The following BAZ2B variants were observed in gnomAD, a reference collection of about 807,000 sequenced individuals.
BAZ2B encodes the protein bromodomain adjacent to zinc finger domain protein 2B.
In BAZ2B, 91 loss-of-function variants were observed where a neutral mutation model predicts 246.0. The observed-to-expected ratio is 0.37, with a 90% CI of 0.31 to 0.44. The LOEUF is 0.44. Among genes scored for constraint, BAZ2B ranks in the 20% least tolerant of loss-of-function variants. The pLI is 1.00. For missense variants in BAZ2B, 2,332 were observed against 2,533.7 expected, an observed-to-expected ratio of 0.92 and a Z score of 1.71; for synonymous variants, 855 against 860.0, an observed-to-expected ratio of 0.99 and a Z score of 0.10.
chr2:159,399,524 C>T (rs1427858338), intron 17 of BAZ2B, among the ~76,000 whole-genome samples: 1 of 151,788 alleles, frequency 6.6e-6, no homozygotes, highest in African/African-American at 2.4e-5. Flanking sequence ...TTTCATGAGG[C>T]ACAATCTATT....
At chr2:159,597,716 A>C (rs1218268503) in intron 1 of BAZ2B, among the ~76,000 whole-genome samples, 2 of 152,146 alleles carry the variant, frequency 1.3e-5, no homozygotes, top group East Asian at 3.9e-4. Flanking sequence ...TTGGCCTCCC[A>C]AAGTGATGGG....
intron 1 of BAZ2B, among the ~76,000 whole-genome samples, chr2:159,557,964 G>A (rs923934128): frequency 6.6e-6 from 1 of 151,478 alleles, no homozygotes; most frequent in Admixed American, 6.6e-5. Context: ...CGCGGGTAGT[G>A]AATTAAAGGT....
At chr2:159,493,284 C>T (rs1330852507) in intron 2 of BAZ2B, among the ~76,000 whole-genome samples, 1 of 152,162 alleles carries the variant, frequency 6.6e-6, no homozygotes, top group African/African-American at 2.4e-5. Flanking sequence ...TTAAAAGTCA[C>T]ACTAGCCATA....
chr2:159,331,279 G>A (rs991706060), intron 34 of BAZ2B, among the ~76,000 whole-genome samples: 2 of 152,216 alleles, frequency 1.3e-5, no homozygotes, highest in Non-Finnish European at 2.9e-5. Flanking sequence ...CATTTTCTCA[G>A]TTGAATGACA....
chr2:159,353,627 T>C (rs2058782484), intron 27 of BAZ2B, among the ~76,000 whole-genome samples: 2 of 152,114 alleles, frequency 1.3e-5, no homozygotes, highest in Admixed American at 1.3e-4. Flanking sequence ...GATCAGCACA[T>C]ATGTGTGAGG....
In BAZ2B at chr2:159,347,545, C is replaced by A; in HGVS notation, c.5395G>T (p.Val1799Phe). ...EEQAMEMDLSVLQQVEDLERR... is the reference protein window; with the variant it reads ...EEQAMEMDLSFLQQVEDLERR... ...TCTAGATCTTCTACCTGTTGAAGGACACTCAAATCCATTTCCATTGCTTGT... is the reference window on the plus strand; with the variant it reads ...TCTAGATCTTCTACCTGTTGAAGGAAACTCAAATCCATTTCCATTGCTTGT... The change falls in exon 31 of 37, where the codon GTC becomes TTC. Residue 1799 changes from valine to phenylalanine, a missense_variant. Transcript: ENST00000392783. 1 of 1,613,872 alleles carries A rather than the reference C, an allele frequency of 6.2e-7. No homozygotes were observed. The highest frequency in any genetic ancestry group is 8.5e-7 in the Non-Finnish European group (1 of 1,179,874).
chr2:159,532,083 C>T (rs1210838778), intron 2 of BAZ2B, among the ~76,000 whole-genome samples: 9 of 152,030 alleles, frequency 5.9e-5, no homozygotes, highest in African/African-American at 2.2e-4. Flanking sequence ...AACAATCTGC[C>T]ACAAAATTAT....
the BAZ2B span, among the ~76,000 whole-genome samples, chr2:159,681,696 C>T: frequency 2.0e-5 from 3 of 152,154 alleles, no homozygotes; most frequent in South Asian, 4.1e-4. Context: ...TTTGGGAGGC[C>T]GAGGTGGGCT....
chr2:159,382,549 A>G lies in BAZ2B; in HGVS notation c.4005+10T>C, dbSNP rs1559187775. 11 of 1,546,852 alleles carry G rather than the reference A, an allele frequency of 7.1e-6. No homozygotes were observed. In the East Asian group the frequency reaches 2.7e-4, roughly 38 times the overall value. On this transcript the variant is annotated intron_variant, in intron 25 of 36. Transcript: ENST00000392783. The stretch of plus-strand genomic sequence containing the variant: ...TCTAGTTGTCTTAAAATCAACCTAA[A>G]TTTCATTACCTCATCTTCACAGATA...
intron 13 of BAZ2B, among the ~76,000 whole-genome samples, chr2:159,414,566 C>G (rs1484701350): frequency 6.6e-6 from 1 of 152,068 alleles, no homozygotes; most frequent in Non-Finnish European, 1.5e-5. Context: ...CCTGTAATCT[C>G]AGCATGTTGG....
chr2:159,354,878 AC>A (rs1373256045), intron 27 of BAZ2B, among the ~76,000 whole-genome samples: 2 of 152,188 alleles, frequency 1.3e-5, no homozygotes, highest in Admixed American at 6.5e-5. Flanking sequence ...TTAATTAACT[AC>A]CCTGGCAGCA....
the BAZ2B span, among the ~76,000 whole-genome samples, chr2:159,633,089 C>T: frequency 6.6e-6 from 1 of 151,324 alleles, no homozygotes; most frequent in Non-Finnish European, 1.5e-5. Context: ...ACTGCTGTTA[C>T]ATCAATAGAA....
In BAZ2B at chr2:159,512,736, A is replaced by G. The variant is rs562707395; in HGVS notation, c.-2-34015T>C. 3.3e-5 allele frequency among the ~76,000 whole-genome samples: 5 copies of G among 152,314 alleles called. No individual in the cohort carries two copies. The East Asian group carries it at 7.7e-4, about 23-fold the overall frequency. On this transcript the variant is annotated intron_variant, in intron 2 of 36. Coordinates refer to ENST00000392783, the MANE Select transcript of BAZ2B (RefSeq NM_013450.4). Reference sequence around the variant, plus strand: ...ATTTTCTAAGCACTTATTAAGCACTATACACAGGGATGGGAACCAGGAGTA... The same window carrying G: ...ATTTTCTAAGCACTTATTAAGCACTGTACACAGGGATGGGAACCAGGAGTA...
At chr2:159,408,083 G>A (rs1459025549) in intron 14 of BAZ2B, among the ~76,000 whole-genome samples, 1 of 152,140 alleles carries the variant, frequency 6.6e-6, no homozygotes, top group Non-Finnish European at 1.5e-5. Context: ...TCTAATATAA[G>A]TTTAACTTTT....
chr2:159,572,085 TAG>T (rs1684165214), intron 1 of BAZ2B, among the ~76,000 whole-genome samples: 1 of 152,210 alleles, frequency 6.6e-6, no homozygotes, highest in African/African-American at 2.4e-5. Flanking sequence ...ACGGGATTTG[TAG>T]AGTTTCCAAG....
At chr2:159,355,217 T>C (rs1199381193) in intron 27 of BAZ2B, among the ~76,000 whole-genome samples, 2 of 152,156 alleles carry the variant, frequency 1.3e-5, no homozygotes, top group African/African-American at 4.8e-5. Flanking sequence ...AATGGCCCCT[T>C]CCTAGGGTTC....
chr2:159,506,231 C>T (rs369667993), intron 2 of BAZ2B, among the ~76,000 whole-genome samples: 2 of 152,222 alleles, frequency 1.3e-5, no homozygotes, highest in East Asian at 3.9e-4. Flanking sequence ...GAATCCCTTG[C>T]TAGGTAATCC....
chr2:159,586,175 T>C (rs1297526800), intron 1 of BAZ2B, among the ~76,000 whole-genome samples: 1 of 152,216 alleles, frequency 6.6e-6, no homozygotes, highest in Non-Finnish European at 1.5e-5. Context: ...ACTATTAATT[T>C]ATTGATAATC....
chr2:159,408,334 A>T (rs1016361390), intron 14 of BAZ2B, among the ~76,000 whole-genome samples: 1 of 152,118 alleles, frequency 6.6e-6, no homozygotes, highest in Non-Finnish European at 1.5e-5. Flanking sequence ...CACTTTACCC[A>T]GCTAATTTTT....
Sources: allele counts gnomAD v4.1 joint callset (sites outside exome capture counted in the v4.1 genomes callset), GRCh38; gene constraint gnomAD v4.1.1; transcripts MANE v1.5; gene names NCBI Gene and HGNC (gene_info 2026-07-23, HGNC 2026-07-21).